The following ARHGEF3 variants were observed in gnomAD, a reference collection of about 807,000 sequenced individuals.
The protein encoded by ARHGEF3 is Rho guanine nucleotide exchange factor 3, also known as 59.8 kDA protein.
In ARHGEF3, 28 loss-of-function variants were observed where a neutral mutation model predicts 63.2. The observed-to-expected ratio is 0.44, with a 90% CI of 0.33 to 0.61. The LOEUF (loss-of-function observed/expected upper bound fraction) is 0.61, where lower values mean the gene tolerates loss of function less well. Ranked by LOEUF, ARHGEF3 falls within the 20% of genes least tolerant of loss-of-function variation. The pLI, the probability that ARHGEF3 is intolerant of heterozygous loss-of-function variation, is 0.03. For synonymous variants in ARHGEF3, 266 were observed against 254.2 expected (o/e 1.05, Z -0.44); for missense variants, 533 against 659.3 (o/e 0.81, Z 2.10).
intron 3 of ARHGEF3, among the ~76,000 whole-genome samples, chr3:56,916,143 C>G (rs1445806841): frequency 1.3e-5 from 2 of 152,194 alleles, no homozygotes; most frequent in Non-Finnish European, 2.9e-5. Context: ...AGGCGGGAAT[C>G]TGGCTCCATC....
intron 1 of ARHGEF3, among the ~76,000 whole-genome samples, chr3:56,782,347 C>G (rs2036600845): frequency 6.6e-6 from 1 of 152,114 alleles, no homozygotes. Flanking sequence ...TCTTCAAACT[C>G]AGAACTATAA....
intron 3 of ARHGEF3, chr3:56,898,612 TTTC>T (rs1221494581): frequency 3.5e-6 from 1 of 287,516 alleles, no homozygotes; most frequent in East Asian, 1.3e-4. Context: ...TATCAGCTGT[TTTC>T]TTCTGGGGTG....
chr3:56,893,784 T>A (rs2041201670), intron 3 of ARHGEF3, among the ~76,000 whole-genome samples: 1 of 119,454 alleles, frequency 8.4e-6, no homozygotes, highest in African/African-American at 3.1e-5. Flanking sequence ...CCAGCCTGGG[T>A]GACAGAGCAA....
chr3:56,925,204 C>A (rs2042245193), intron 3 of ARHGEF3, among the ~76,000 whole-genome samples: 1 of 152,236 alleles, frequency 6.6e-6, no homozygotes, highest in Non-Finnish European at 1.5e-5. Flanking sequence ...TAGCCACAGC[C>A]TACAACCAGC....
intron 4 of ARHGEF3, among the ~76,000 whole-genome samples, chr3:56,860,681 T>C (rs1474406604): frequency 1.3e-5 from 2 of 152,096 alleles, no homozygotes; most frequent in Admixed American, 1.3e-4. Flanking sequence ...CAGTTGGAGG[T>C]TAGTGAAAAT....
Position 56,729,639 on chromosome 3 carries a change from C to T in ARHGEF3, c.1229-17G>A. 6 of 1,571,736 alleles carry T rather than the reference C, an allele frequency of 3.8e-6. No individual in the cohort carries two copies. Among genetic ancestry groups the T allele is most frequent in the Non-Finnish European group, 5.2e-6 (6 of 1,155,216 alleles). ...AGTTTTTAACTAGAAAGGAAAAACA[C>T]ATGAAAAACAAAGTCAATGGACAGA... On this transcript the variant is annotated splice_polypyrimidine_tract_variant and intron_variant, in intron 9 of 9. Transcript: ENST00000296315.
chr3:56,798,547 T>G, intron 1 of ARHGEF3, among the ~76,000 whole-genome samples: 1 of 151,942 alleles, frequency 6.6e-6, no homozygotes, highest in South Asian at 2.1e-4. Context: ...GTTTTTTTTT[T>G]TTTTTTTTTT....
intron 4 of ARHGEF3, among the ~76,000 whole-genome samples, chr3:56,818,924 A>C (rs1355310389): frequency 6.6e-6 from 1 of 152,222 alleles, no homozygotes; most frequent in Non-Finnish European, 1.5e-5. Context: ...GTAACGAAAA[A>C]AACTATTTCA....
intron 1 of ARHGEF3, among the ~76,000 whole-genome samples, chr3:57,068,741 T>C (rs1439233446): frequency 6.6e-6 from 1 of 152,058 alleles, no homozygotes; most frequent in African/African-American, 2.4e-5. Flanking sequence ...GCGCCAAACC[T>C]CAACTGTGTA....
intron 4 of ARHGEF3, among the ~76,000 whole-genome samples, chr3:56,832,974 T>C (rs1407776169): frequency 1.3e-5 from 2 of 152,238 alleles, no homozygotes; most frequent in African/African-American, 2.4e-5. Context: ...CTTTTTATGG[T>C]TGAAGAATAT....
chr3:56,835,182 G>C (rs1298337288), intron 4 of ARHGEF3, among the ~76,000 whole-genome samples: 6 of 151,806 alleles, frequency 4.0e-5, no homozygotes, highest in African/African-American at 1.5e-4. Context: ...GTTTTGTTTT[G>C]TTGGTTTTTT....
At chr3:57,029,908 C>A (rs983669580) in intron 2 of ARHGEF3, among the ~76,000 whole-genome samples, 3 of 152,060 alleles carry the variant, frequency 2.0e-5, no homozygotes, top group Non-Finnish European at 2.9e-5. Flanking sequence ...GTGGGGGAAG[C>A]AGAGCAGGTC....
chr3:57,070,344 T>G (rs1676285564), intron 1 of ARHGEF3, among the ~76,000 whole-genome samples: 1 of 152,198 alleles, frequency 6.6e-6, no homozygotes, highest in African/African-American at 2.4e-5. Flanking sequence ...AAGCCTTAAA[T>G]TAGACACTAC....
At chr3:56,869,910 C>A (rs1401381839) in intron 4 of ARHGEF3, among the ~76,000 whole-genome samples, 1 of 152,056 alleles carries the variant, frequency 6.6e-6, no homozygotes, top group Non-Finnish European at 1.5e-5. Flanking sequence ...CATTTTAAGG[C>A]AGTTGAAAGG....
intron 2 of ARHGEF3, among the ~76,000 whole-genome samples, chr3:57,021,451 C>T (rs575011575): frequency 3.4e-4 from 52 of 152,150 alleles, no homozygotes; most frequent in Non-Finnish European, 3.5e-4. Context: ...TACATACCAC[C>T]GCTAGTTAAC....
intron 3 of ARHGEF3, among the ~76,000 whole-genome samples, chr3:56,897,928 T>C (rs1285500717): frequency 1.3e-5 from 2 of 152,154 alleles, no homozygotes; most frequent in African/African-American, 2.4e-5. Flanking sequence ...TTGCTCATGC[T>C]GGAGTGCAGT....
intron 3 of ARHGEF3, among the ~76,000 whole-genome samples, chr3:56,940,386 T>C (rs181382574): frequency 6.6e-6 from 1 of 152,298 alleles, no homozygotes. Context: ...AAACGATAAC[T>C]ATATAAAATA....
intron 1 of ARHGEF3, among the ~76,000 whole-genome samples, chr3:56,800,138 C>T (rs1578549609): frequency 1.3e-5 from 2 of 152,178 alleles, no homozygotes; most frequent in African/African-American, 4.8e-5. Context: ...AGCTAAACTA[C>T]TCAAAAACAC....
intron 1 of ARHGEF3, among the ~76,000 whole-genome samples, chr3:57,068,535 C>T (rs1174225393): frequency 6.6e-6 from 1 of 152,154 alleles, no homozygotes; most frequent in African/African-American, 2.4e-5. Flanking sequence ...CGAGGCCCTG[C>T]CCAGCCCAGA....
Sources: gnomAD v4.1 joint callset for allele counts (sites outside exome capture counted in the v4.1 genomes callset) on GRCh38, gnomAD v4.1.1 for gene constraint, MANE v1.5 for transcripts, NCBI Gene and HGNC (gene_info 2026-07-23, HGNC 2026-07-21) for gene names.